The following VPS52 variants were observed in gnomAD, a reference collection of about 807,000 sequenced individuals.
VPS52 encodes the protein vacuolar protein sorting-associated protein 52 homolog.
Under a neutral mutation model 98.7 loss-of-function variants are expected in VPS52, and 56 were observed. The observed-to-expected ratio is 0.57, with a 90% CI of 0.46 to 0.71. VPS52 has a LOEUF of 0.71. VPS52 is among the 30% of genes least tolerant of loss of function. VPS52 has a pLI of 0.00. For synonymous variants in VPS52, 348 were observed against 346.4 expected (o/e 1.00, Z -0.05); for missense variants, 742 against 925.9 (o/e 0.80, Z 2.58).
intron 12 of VPS52, 55 bp downstream of exon 12, chr6:33,266,502 G>A: frequency 6.6e-7 from 1 of 1,507,720 alleles, no homozygotes; most frequent in Non-Finnish European, 8.9e-7. Flanking sequence ...CCACTATGCT[G>A]CTGATGAAGA....
rs1003698391 is a variant in VPS52 at position 33,269,104 on chromosome 6, G to A, written c.458C>T (p.Ala153Val). 6.2e-7 allele frequency: 1 copy of A among 1,612,964 alleles called. No homozygotes were observed. Among genetic ancestry groups the A allele is most frequent in the African/African-American group, 1.3e-5 (1 of 75,004 alleles). ...EIRTLQEQSG[A>V]MNIRLRNRQA... Reference sequence around the variant, plus strand: ...GCGATTTCGAAGTCGAATGTTCATGGCTCCTGACTGTTCCTGCAGTGTCCG... The same window carrying A: ...GCGATTTCGAAGTCGAATGTTCATGACTCCTGACTGTTCCTGCAGTGTCCG... Residue 153 changes from alanine to valine, a missense_variant, in exon 6 of 20, where the codon GCC (alanine) becomes GTC (valine). By Grantham distance (64) the Ala-to-Val change is moderately conservative. Transcript: ENST00000445902.
rs1414470195 is a variant in VPS52, at chr6:33,267,966, G to A, written c.832C>T (p.Arg278Ter). 3.1e-6 allele frequency: 5 copies of A among 1,613,028 alleles called. No homozygotes were observed. The highest frequency in any genetic ancestry group is 1.6e-4 in the Middle Eastern group (1 of 6,062). ...TCCCTGATCTCCTTTGCTGTTGCTC[G>A]TTCATTGCCCAGCAGAAACTGATAG... The part of the protein sequence containing the change: ...FFYQFLLGNE[R>*]ATAKEIRDEY... The change falls in exon 9 of 20, where the codon CGA (arginine) becomes TGA (stop). Residue 278 changes from arginine (R) to a stop codon, truncating the protein, a stop_gained. Coordinates refer to ENST00000445902, the MANE Select transcript of VPS52 (RefSeq NM_022553.6). LOFTEE classifies it high-confidence loss of function. This position sits in a 1 kb window ranked among gnomAD's most constrained non-coding sequence, Gnocchi z 4.2.
At chr6:33,269,976 A>G in intron 3 of VPS52, 23 bp downstream of exon 3, 1 of 1,614,086 alleles carries the variant, frequency 6.2e-7, no homozygotes, top group South Asian at 1.1e-5. Context: ...AGAAGGGCAG[A>G]TTAGTACAGG....
In VPS52 at chr6:33,267,231, G is replaced by A. The variant is rs771642291; in HGVS notation, c.1082C>T (p.Ala361Val). The A allele has an allele frequency of 6.3e-6, 10 of 1,595,378 alleles. No homozygotes were observed. The highest frequency in any genetic ancestry group is 8.5e-6 in the Non-Finnish European group (10 of 1,171,456). Residue 361 changes from alanine to valine, a missense_variant, in exon 11 of 20, where the codon GCC (alanine) becomes GTC (valine). This residue lies in a region of VPS52 where 590 missense variants were observed against 793.3 expected (regional missense o/e 0.74). Coordinates refer to ENST00000445902, the MANE Select transcript of VPS52 (RefSeq NM_022553.6). The surrounding 1 kb of genome is among the most constrained non-coding windows in gnomAD (Gnocchi z 4.2). Reference protein sequence around the residue: ...GSVISPTELEAPILVPHTAQR... With the variant: ...GSVISPTELEVPILVPHTAQR... ...CGCTGTGTGAGGCACCAGGATGGGG[G>A]CCTCAAGTTCAGTGGGGGAGATGAC...
At position 33,266,613 on chromosome 6, in the gene VPS52, G is replaced by A; in HGVS notation, c.1225C>T (p.Pro409Ser). ...GCATGGAACAGGTCGTGTGCAGCTG[G>A]GCCAGACACAACAAAAAATTCACAG... ...FICEFFVVSG[P>S]AAHDLFHAVM... The change falls in exon 12 of 20, where the codon CCA becomes TCA. Residue 409 changes from proline to serine, a missense_variant. Pro to Ser is a moderately conservative substitution (Grantham distance 74). This residue lies in a region of VPS52 where 590 missense variants were observed against 793.3 expected (regional missense o/e 0.74). Transcript: ENST00000445902. 6.2e-7 allele frequency: 1 copy of A among 1,612,836 alleles called. No individual in the cohort carries two copies. Among genetic ancestry groups the A allele is most frequent in the Non-Finnish European group, 8.5e-7 (1 of 1,179,946 alleles).
chr6:33,267,227 G>A lies in VPS52; in HGVS notation c.1086C>T (p.Pro362=), dbSNP rs1271567646. Reference sequence around the variant, plus strand: ...GCTGCGCTGTGTGAGGCACCAGGATGGGGGCCTCAAGTTCAGTGGGGGAGA... The same window carrying A: ...GCTGCGCTGTGTGAGGCACCAGGATAGGGGCCTCAAGTTCAGTGGGGGAGA... ...SVISPTELEA[P]ILVPHTAQRG... is the part of the protein sequence containing the mutation. Residue 362 remains proline (P), a synonymous_variant, in exon 11 of 20, where the codon CCC becomes CCT. Coordinates refer to ENST00000445902, the MANE Select transcript of VPS52 (RefSeq NM_022553.6). This position sits in a 1 kb window ranked among gnomAD's most constrained non-coding sequence, Gnocchi z 4.2. 6.3e-7 allele frequency: 1 copy of A among 1,595,162 alleles called. No individual in the cohort carries two copies.
rs747540827 is a variant in VPS52 at position 33,264,027 on chromosome 6, T to C, written c.1601A>G (p.Gln534Arg). The change falls in exon 15 of 20, where the codon CAA becomes CGA. Residue 534 changes from glutamine to arginine, a missense_variant. Around this residue, in one of 2 missense-constraint regions of VPS52, gnomAD observed 590 missense variants for 793.3 expected, o/e 0.74. Coordinates refer to ENST00000445902, the MANE Select transcript of VPS52 (RefSeq NM_022553.6). ...NQTIPNERTM[Q>R]LLGQLQVEVE... ...CCTCACCTGCAGCTGTCCCAGCAAT[T>C]GCATGGTCCGTTCATTAGGAATTGT... The C allele has an allele frequency of 6.2e-7, 1 of 1,614,172 alleles. No individual in the cohort carries two copies. Among genetic ancestry groups the C allele is most frequent in the East Asian group, 2.2e-5 (1 of 44,884 alleles).
chr6:33,267,181 C>G lies in VPS52; in HGVS notation c.1125+7G>C, dbSNP rs371529555. 1.2e-4 allele frequency: 174 copies of G among 1,495,842 alleles called. No homozygotes were observed. The highest frequency in any genetic ancestry group is 1.9e-4 in the Admixed American group (8 of 43,146). The allele number at this position is 1,495,842 out of a possible 1,614,324, so 92.7% of individuals were successfully genotyped here. On this transcript the variant is annotated splice_region_variant and intron_variant, in intron 11 of 19. Coordinates refer to ENST00000445902, the MANE Select transcript of VPS52 (RefSeq NM_022553.6). This position sits in a 1 kb window ranked among gnomAD's most constrained non-coding sequence, Gnocchi z 4.2. ...CTTTCGTGACTGAAGCTTGTTCCTC[C>G]TCATACCCTCTGCTCTCCGCGCTGC...
At chr6:33,262,923 TG>T in intron 17 of VPS52, among the ~76,000 whole-genome samples, 1 of 152,128 alleles carries the variant, frequency 6.6e-6, no homozygotes, top group Non-Finnish European at 1.5e-5. Flanking sequence ...GGATGATTAA[TG>T]GGTACAAACA....
At position 33,269,027 on chromosome 6, in the gene VPS52, A is replaced by G; in HGVS notation, c.535T>C (p.Ser179Pro). ...CTGGTAACTCACGTGACCAGAGCAGAAGGCACCACCAGACCATCAACAAGC... is the reference window on the plus strand; with the variant it reads ...CTGGTAACTCACGTGACCAGAGCAGGAGGCACCACCAGACCATCAACAAGC... ...GELVDGLVVP[S>P]ALVTAILEAP... Residue 179 changes from serine (S) to proline (P), a missense_variant, in exon 6 of 20, where the codon TCT (serine) becomes CCT (proline). By Grantham distance (74) the Ser-to-Pro change is moderately conservative (BLOSUM62 -1). Coordinates refer to ENST00000445902, the MANE Select transcript of VPS52 (RefSeq NM_022553.6). The G allele has an allele frequency of 6.2e-7, 1 of 1,612,346 alleles. No homozygotes were observed. Among genetic ancestry groups the G allele is most frequent in the Non-Finnish European group, 8.5e-7 (1 of 1,179,884 alleles).
intron 17 of VPS52, among the ~76,000 whole-genome samples, chr6:33,252,415 C>T (rs1762383088): frequency 6.6e-6 from 1 of 151,990 alleles, no homozygotes; most frequent in East Asian, 1.9e-4. Flanking sequence ...ATGATGAAAC[C>T]CCATCTCTAC....
At chr6:33,264,308 A>G in intron 14 of VPS52, 66 bp downstream of exon 14, 1 of 1,594,430 alleles carries the variant, frequency 6.3e-7, no homozygotes, top group Non-Finnish European at 8.5e-7. Context: ...GACCTTGGCC[A>G]ACCCCCACAA....
chr6:33,255,155 G>GT (rs1762776765), intron 17 of VPS52, among the ~76,000 whole-genome samples: 1 of 152,134 alleles, frequency 6.6e-6, no homozygotes, highest in South Asian at 2.1e-4. Context: ...GGACTTAGAT[G>GT]AACTTTAAGC....
chr6:33,252,049 A>T, intron 17 of VPS52, 78 bp from the exon 18 acceptor site: 1 of 1,169,252 alleles, frequency 8.6e-7, no homozygotes, highest in Admixed American at 1.9e-5. Flanking sequence ...TGACTAATGT[A>T]GATCCATCTG....
intron 1 of VPS52, 137 bp downstream of exon 1, chr6:33,271,449 G>T: frequency 7.7e-7 from 1 of 1,295,958 alleles, no homozygotes; most frequent in Non-Finnish European, 1.1e-6. Flanking sequence ...TCTGATCACA[G>T]GGAAGGGTAC....
intron 14 of VPS52, 59 bp from the exon 15 acceptor site, chr6:33,264,162 C>G (rs1763993973): frequency 1.3e-6 from 2 of 1,597,556 alleles, no homozygotes; most frequent in East Asian, 4.5e-5. Flanking sequence ...ACACAACCTC[C>G]CAACTTCCTT....
chr6:33,257,215 T>G (rs755403862), intron 17 of VPS52, among the ~76,000 whole-genome samples: 4 of 152,038 alleles, frequency 2.6e-5, no homozygotes, highest in Non-Finnish European at 5.9e-5. Flanking sequence ...TTTAATTTTT[T>G]GTAGAGATGA....
intron 13 of VPS52, 33 bp from the exon 14 acceptor site, chr6:33,264,530 G>C (rs751746141): frequency 8.1e-6 from 13 of 1,612,878 alleles, no homozygotes; most frequent in Non-Finnish European, 1.1e-5. Context: ...AGGTCAGCCA[G>C]CAAGGAATGT....
At position 33,269,982 on chromosome 6, in the gene VPS52, A is replaced by G; in HGVS notation, c.228+17T>C. On this transcript the variant is annotated intron_variant, in intron 3 of 19. Transcript: ENST00000445902. ...AGAATAGATAGAAGGGCAGATTAGTACAGGGGAAAGCCTCACCGTTTTAAG... is the reference window on the plus strand; with the variant it reads ...AGAATAGATAGAAGGGCAGATTAGTGCAGGGGAAAGCCTCACCGTTTTAAG... 6.2e-7 allele frequency: 1 copy of G among 1,614,116 alleles called. No homozygotes were observed. The highest frequency in any genetic ancestry group is 2.2e-5 in the East Asian group (1 of 44,884).
Sources: gnomAD v4.1 joint callset for allele counts (sites outside exome capture counted in the v4.1 genomes callset) on GRCh38, gnomAD v4.1.1 for gene constraint, gnomAD v4.1.1 regional missense constraint, Gnocchi (gnomAD v3.1) non-coding constraint, MANE v1.5 for transcripts, NCBI Gene and HGNC (gene_info 2026-07-23, HGNC 2026-07-21) for gene names.